The following SUPT3H variants were observed in gnomAD, a reference collection of about 807,000 sequenced individuals.
SUPT3H encodes the protein SPT3 homolog, SAGA and STAGA complex component.
Under a neutral mutation model 44.3 loss-of-function variants are expected in SUPT3H, and 44 were observed. The ratio of observed to expected loss-of-function variants is 0.99; its 90% CI spans 0.78 to 1.28. The LOEUF (loss-of-function observed/expected upper bound fraction) is 1.28, where lower values mean the gene tolerates loss of function less well. Among genes scored for constraint, SUPT3H ranks in the 50% most tolerant of loss-of-function variants. SUPT3H has a pLI of 0.00. For synonymous variants in SUPT3H, 124 were observed against 125.6 expected (o/e 0.99, Z 0.09); for missense variants, 380 against 387.1 (o/e 0.98, Z 0.15).
chr6:45,295,548 A>AAAAAAAAAAAAAAAAAC (rs1554330142), intron 2 of SUPT3H, among the ~76,000 whole-genome samples: 4 of 90,218 alleles, frequency 4.4e-5, no homozygotes, highest in Non-Finnish European at 6.6e-5. Context: ...AAAAAAAAAA[A>AAAAAAAAAAAAAAAAAC]AAAAAACAGC....
At chr6:44,814,518 T>C (rs572940137) in intron 11 of SUPT3H, among the ~76,000 whole-genome samples, 6 of 152,154 alleles carry the variant, frequency 3.9e-5, no homozygotes, top group African/African-American at 1.4e-4. Flanking sequence ...GCAGCGTGGA[T>C]CTCTAGAGTT....
chr6:45,155,300 A>G (rs967779611), intron 2 of SUPT3H, among the ~76,000 whole-genome samples: 3 of 152,168 alleles, frequency 2.0e-5, no homozygotes, highest in Non-Finnish European at 4.4e-5. Flanking sequence ...AGTGACTTCT[A>G]TTTGGAGAGC....
intron 2 of SUPT3H, among the ~76,000 whole-genome samples, chr6:45,171,952 G>A (rs1048833798): frequency 4.6e-5 from 7 of 151,482 alleles, no homozygotes; most frequent in South Asian, 2.1e-4. Context: ...TCCTGACCTC[G>A]TGATCAGGCT....
intron 5 of SUPT3H, among the ~76,000 whole-genome samples, chr6:45,011,230 A>T (rs1047222642): frequency 2.0e-5 from 3 of 152,042 alleles, no homozygotes; most frequent in Non-Finnish European, 4.4e-5. Context: ...TATTACCTTT[A>T]TAGAATTAGT....
At chr6:44,825,935 G>A (rs1042473993), downstream of SUPT3H, among the ~76,000 whole-genome samples, 4 of 152,116 alleles carry the variant, frequency 2.6e-5, no homozygotes, top group South Asian at 2.1e-4. Context: ...TGTATGCGGC[G>A]TTCTTGTGAC....
chr6:44,911,275 A>G (rs1002688810), intron 10 of SUPT3H, among the ~76,000 whole-genome samples: 2 of 121,732 alleles, frequency 1.6e-5, no homozygotes, highest in African/African-American at 5.8e-5. Flanking sequence ...CAGCATTCCC[A>G]CCACATGTTT....
chr6:44,880,156 A>C (rs625595), intron 10 of SUPT3H, among the ~76,000 whole-genome samples: 7,771 of 152,132 alleles, frequency 0.051, 264 homozygotes, highest in South Asian at 0.13. Flanking sequence ...TTCCAACCCA[A>C]AGCAAGAAAG....
chr6:45,336,146 T>C (rs920069054), intron 2 of SUPT3H, among the ~76,000 whole-genome samples: 6 of 151,290 alleles, frequency 4.0e-5, no homozygotes, highest in African/African-American at 1.5e-4. Flanking sequence ...ACCAAACACA[T>C]ATACATTATT....
chr6:45,243,987 C>T (rs1024044705), intron 2 of SUPT3H, among the ~76,000 whole-genome samples: 1 of 152,156 alleles, frequency 6.6e-6, no homozygotes, highest in Non-Finnish European at 1.5e-5. Context: ...CTCAAGTCAT[C>T]CTCCCACATC....
chr6:45,189,586 G>A (rs12205860), intron 2 of SUPT3H, among the ~76,000 whole-genome samples: 34,242 of 152,006 alleles, frequency 0.23, 4,519 homozygotes, highest in Non-Finnish European at 0.31. Flanking sequence ...ATTTGAAAAG[G>A]TAAAGTAGGA....
intron 2 of SUPT3H, among the ~76,000 whole-genome samples, chr6:45,217,809 A>C (rs1172391412): frequency 6.6e-6 from 1 of 150,956 alleles, no homozygotes; most frequent in Non-Finnish European, 1.5e-5. Context: ...AGAACTGCTT[A>C]TATCTGGGAG....
intron 2 of SUPT3H, among the ~76,000 whole-genome samples, chr6:45,146,679 A>C (rs1170394170): frequency 6.6e-6 from 1 of 152,190 alleles, no homozygotes; most frequent in Non-Finnish European, 1.5e-5. Flanking sequence ...ATCAATGCCT[A>C]ATAATCACTA....
At chr6:45,172,204 C>G (rs2153606863) in intron 2 of SUPT3H, among the ~76,000 whole-genome samples, 1 of 151,866 alleles carries the variant, frequency 6.6e-6, no homozygotes, top group South Asian at 2.1e-4. Flanking sequence ...TCCAGAGTAG[C>G]TGGGACTATA....
intron 2 of SUPT3H, among the ~76,000 whole-genome samples, chr6:45,320,055 T>C (rs1423103514): frequency 2.0e-5 from 3 of 152,126 alleles, no homozygotes; most frequent in Non-Finnish European, 4.4e-5. Context: ...AATGATTATA[T>C]GATCAAGATG....
chr6:44,874,837 A>C (rs1776982765), intron 10 of SUPT3H, among the ~76,000 whole-genome samples: 2 of 144,584 alleles, frequency 1.4e-5, no homozygotes, highest in African/African-American at 2.7e-5. Flanking sequence ...AAAAATCACA[A>C]GCATTCTTAT....
chr6:45,125,191 A>C (rs2153581131), intron 2 of SUPT3H, among the ~76,000 whole-genome samples: 1 of 152,336 alleles, frequency 6.6e-6, no homozygotes, highest in South Asian at 2.1e-4. Flanking sequence ...CTAGGAAACA[A>C]ATACACAAAC....
chr6:45,083,532 G>A (rs972415014), intron 3 of SUPT3H, among the ~76,000 whole-genome samples: 2 of 151,894 alleles, frequency 1.3e-5, no homozygotes, highest in African/African-American at 4.8e-5. Flanking sequence ...TTAAAGCAGG[G>A]TACAGATTCA....
rs970986920 is a variant in SUPT3H at position 45,057,619 on chromosome 6, C to T, written c.187-36987G>A. ...GGATGGCAGTATTTATTTTGCTGTT[C>T]AGTGTAACTCATAGTTTTTCAGTAG... On this transcript the variant is annotated intron_variant, in intron 3 of 10. Transcript: ENST00000371459. Among the ~76,000 whole-genome samples the T allele has an allele frequency of 2.6e-5, 4 of 152,100 alleles. No individual in the cohort carries two copies. In the East Asian group the frequency reaches 7.7e-4, roughly 29 times the overall value.
chr6:45,262,535 T>G (rs1584554942), intron 2 of SUPT3H, among the ~76,000 whole-genome samples: 1 of 152,130 alleles, frequency 6.6e-6, no homozygotes, highest in African/African-American at 2.4e-5. Context: ...GACTTAGATG[T>G]AAGACCTAAA....
Sources: allele counts gnomAD v4.1 joint callset (sites outside exome capture counted in the v4.1 genomes callset), GRCh38; gene constraint gnomAD v4.1.1; transcripts MANE v1.5; gene names NCBI Gene and HGNC (gene_info 2026-07-23, HGNC 2026-07-21).